Variants in PPM1H observed in about 807,000 individuals in gnomAD.
PPM1H encodes the protein protein phosphatase, Mg2+/Mn2+ dependent 1H, also known as protein phosphatase 1H.
PPM1H carries 27 observed loss-of-function variants against 54.9 expected under a neutral mutation model. That is an observed-to-expected ratio of 0.49 (90% CI 0.36 to 0.68). The LOEUF (loss-of-function observed/expected upper bound fraction) is 0.68, where lower values mean the gene tolerates loss of function less well. Among genes scored for constraint, PPM1H ranks in the 30% least tolerant of loss-of-function variants. PPM1H has a pLI of 0.00. For synonymous variants in PPM1H, 305 were observed against 270.8 expected (o/e 1.13, Z -1.24); for missense variants, 596 against 667.8 (o/e 0.89, Z 1.19).
At chr12:62,901,475 A>G (rs1250188187) in intron 1 of PPM1H, among the ~76,000 whole-genome samples, 4 of 152,248 alleles carry the variant, frequency 2.6e-5, no homozygotes, top group African/African-American at 9.6e-5. Flanking sequence ...TTCAGGCAAC[A>G]GAGGCCTTTT....
At chr12:62,668,647 G>A (rs895242643) in intron 8 of PPM1H, among the ~76,000 whole-genome samples, 3 of 151,964 alleles carry the variant, frequency 2.0e-5, no homozygotes, top group South Asian at 2.1e-4. Flanking sequence ...AAAGTGCTGG[G>A]GTTACAGGCA....
At chr12:62,730,132 G>A (rs528290247) in intron 5 of PPM1H, among the ~76,000 whole-genome samples, 10 of 151,600 alleles carry the variant, frequency 6.6e-5, no homozygotes, top group African/African-American at 2.4e-4. Flanking sequence ...CCTATAAAAC[G>A]GCCCCACCCC....
chr12:62,881,449 G>A (rs369591121), intron 1 of PPM1H, among the ~76,000 whole-genome samples: 7 of 152,000 alleles, frequency 4.6e-5, no homozygotes, highest in Non-Finnish European at 8.8e-5. Flanking sequence ...GGAAGGGGGA[G>A]GGGGGAAGAA....
At chr12:62,918,792 T>C (rs1159075065) in intron 1 of PPM1H, among the ~76,000 whole-genome samples, 4 of 152,344 alleles carry the variant, frequency 2.6e-5, no homozygotes, top group African/African-American at 7.2e-5. Context: ...TTTGTTTACA[T>C]GGGAAGACAG....
chr12:62,813,491 A>G (rs1305505228), intron 2 of PPM1H, among the ~76,000 whole-genome samples: 1 of 152,244 alleles, frequency 6.6e-6, no homozygotes, highest in Non-Finnish European at 1.5e-5. Flanking sequence ...GTTTTGGTAT[A>G]TGGCAACCCA....
intron 4 of PPM1H, chr12:62,756,078 G>T: frequency 1.9e-6 from 2 of 1,075,870 alleles, no homozygotes; most frequent in South Asian, 2.5e-5. Context: ...TGTCTCCTCT[G>T]ATTTTAACAG....
intron 8 of PPM1H, among the ~76,000 whole-genome samples, chr12:62,677,182 G>A (rs1170120433): frequency 6.6e-6 from 1 of 152,166 alleles, no homozygotes; most frequent in Non-Finnish European, 1.5e-5. Context: ...CAGGTCTCCT[G>A]AGCACTGTAC....
intron 1 of PPM1H, among the ~76,000 whole-genome samples, chr12:62,837,473 C>G (rs1868536211): frequency 6.6e-6 from 1 of 152,188 alleles, no homozygotes; most frequent in African/African-American, 2.4e-5. Context: ...TCACAGGTGG[C>G]AAAGTCACTC....
At chr12:62,774,039 T>C (rs534666164) in intron 4 of PPM1H, among the ~76,000 whole-genome samples, 1 of 152,334 alleles carries the variant, frequency 6.6e-6, no homozygotes, top group East Asian at 1.9e-4. Context: ...CTAAGTGATA[T>C]GTCTGACAAA....
chr12:62,823,242 G>T (rs866608628), intron 2 of PPM1H, among the ~76,000 whole-genome samples: 3 of 152,120 alleles, frequency 2.0e-5, no homozygotes, highest in Admixed American at 2.0e-4. Context: ...TGAAATTGAG[G>T]CAATAATTAA....
chr12:62,761,311 G>C lies in PPM1H; in HGVS notation c.870-23725C>G, dbSNP rs2076507223. Among the ~76,000 whole-genome samples the C allele has an allele frequency of 2.0e-5, 3 of 152,202 alleles. No individual in the cohort carries two copies. In the South Asian group the frequency reaches 6.2e-4, roughly 31 times the overall value. The stretch of plus-strand genomic sequence containing the variant: ...TTACTCTGTATTTGAGGAGGAAGGG[G>C]AAAAGCTGTTTCAAACCTGTATGCA... On this transcript the variant is annotated intron_variant, in intron 4 of 9. Transcript: ENST00000228705.
intron 9 of PPM1H, chr12:62,658,870 C>A: frequency 1.6e-6 from 1 of 610,254 alleles, no homozygotes; most frequent in Non-Finnish European, 3.1e-6. Flanking sequence ...AAAAAAGAAC[C>A]AAGAAGTTCA....
intron 6 of PPM1H, among the ~76,000 whole-genome samples, chr12:62,714,352 C>T (rs1033586332): frequency 6.6e-6 from 1 of 152,190 alleles, no homozygotes; most frequent in African/African-American, 2.4e-5. Flanking sequence ...AGAAAATGGG[C>T]TAACTCCACT....
chr12:62,775,519 A>G (rs1224387686), intron 4 of PPM1H, among the ~76,000 whole-genome samples: 1 of 152,272 alleles, frequency 6.6e-6, no homozygotes, highest in Non-Finnish European at 1.5e-5. Flanking sequence ...AAGGCCTTAC[A>G]TAGATCCAAC....
At chr12:62,933,437 A>T (rs1872214773) in intron 1 of PPM1H, among the ~76,000 whole-genome samples, 1 of 152,102 alleles carries the variant, frequency 6.6e-6, no homozygotes, top group South Asian at 2.1e-4. Flanking sequence ...CGAACCAATC[A>T]ACCAGCGAGG....
In PPM1H at chr12:62,815,318, G is replaced by A. The variant is rs981701785; in HGVS notation, c.412-13158C>T. Among the ~76,000 whole-genome samples the A allele has an allele frequency of 3.3e-5, 5 of 152,080 alleles. No homozygotes were observed. The South Asian group carries it at 1.0e-3, about 32-fold the overall frequency. On this transcript the variant is annotated intron_variant, in intron 2 of 9. Transcript: ENST00000228705. ...ACAATATGAATTGCAGGTTTCTTTG[G>A]TTCAATTCCTCCAACATAATGAGGC...
At chr12:62,691,026 G>C (rs768790004) in intron 7 of PPM1H, among the ~76,000 whole-genome samples, 2 of 152,178 alleles carry the variant, frequency 1.3e-5, no homozygotes, top group Non-Finnish European at 2.9e-5. Flanking sequence ...AGGGAGATAA[G>C]AGGGAGATGT....
intron 1 of PPM1H, among the ~76,000 whole-genome samples, chr12:62,847,525 G>A (rs1290489706): frequency 6.6e-6 from 1 of 152,078 alleles, no homozygotes; most frequent in African/African-American, 2.4e-5. Context: ...TGACTTCAGG[G>A]GAGAAATTAT....
rs775265550 is a variant in PPM1H, at chr12:62,645,107, A to G, written c.*3382T>C. ...AGAGGAGAATCCGAATTTCAAAGAC[A>G]TGGGAGATTTGTCCCTAATGTTTTC... On this transcript the variant is annotated 3_prime_UTR_variant, in exon 10 of 10. Transcript: ENST00000228705. 2.0e-5 allele frequency: 3 copies of G among 152,226 alleles called. No homozygotes were observed. The highest frequency in any genetic ancestry group is 4.4e-5 in the Non-Finnish European group (3 of 68,032). 9.4% of individuals were successfully genotyped at this position (152,226 alleles called of 1,614,324 possible).
Sources: allele counts gnomAD v4.1 joint callset (sites outside exome capture counted in the v4.1 genomes callset), GRCh38; gene constraint gnomAD v4.1.1; transcripts MANE v1.5; gene names NCBI Gene and HGNC (gene_info 2026-07-23, HGNC 2026-07-21).